Variants in SHC4 observed in about 807,000 individuals in gnomAD.
SHC4 encodes SHC-transforming protein 4.
SHC4 carries 41 observed loss-of-function variants against 69.4 expected under a neutral mutation model. The observed-to-expected ratio is 0.59, with a 90% CI of 0.46 to 0.77. SHC4 has a LOEUF of 0.77. Ranked by LOEUF, SHC4 falls within the 30% of genes least tolerant of loss-of-function variation. The pLI is 0.00. For synonymous variants in SHC4, 318 were observed against 299.3 expected (o/e 1.06, Z -0.64); for missense variants, 777 against 783.8 (o/e 0.99, Z 0.10).
At chr15:48,835,693 T>C (rs1692006896) in intron 10 of SHC4, among the ~76,000 whole-genome samples, 1 of 152,132 alleles carries the variant, frequency 6.6e-6, no homozygotes, top group African/African-American at 2.4e-5. Flanking sequence ...GCTGAATAAG[T>C]GTTGTCCAGA....
chr15:48,829,331 T>C (rs1434467322), intron 11 of SHC4, among the ~76,000 whole-genome samples: 1 of 152,188 alleles, frequency 6.6e-6, no homozygotes, highest in African/African-American at 2.4e-5. Context: ...AAGTGGAGCA[T>C]TAAAATCCCC....
intron 2 of SHC4, among the ~76,000 whole-genome samples, chr15:48,897,508 C>CCACACACA (rs57034071): frequency 3.5e-5 from 5 of 142,930 alleles, no homozygotes; most frequent in African/African-American, 1.3e-4. Context: ...AGCAATGTCG[C>CCACACACA]CACACACACA....
chr15:48,863,547 T>C (rs573916900), intron 6 of SHC4, among the ~76,000 whole-genome samples: 39 of 152,342 alleles, frequency 2.6e-4, no homozygotes, highest in African/African-American at 8.7e-4. Flanking sequence ...GTACGTATCC[T>C]AATTATTTCC....
intron 2 of SHC4, among the ~76,000 whole-genome samples, chr15:48,902,729 C>G (rs1595751159): frequency 6.6e-6 from 1 of 152,126 alleles, no homozygotes; most frequent in African/African-American, 2.4e-5. Context: ...TGGGGTGACT[C>G]TGAAGTGCCA....
At chr15:48,850,129 G>A (rs1407887629) in intron 9 of SHC4, among the ~76,000 whole-genome samples, 1 of 152,182 alleles carries the variant, frequency 6.6e-6, no homozygotes, top group African/African-American at 2.4e-5. Context: ...CTTGAACCCG[G>A]AAGGCTGAGG....
chr15:48,853,386 C>T (rs1899252348), intron 8 of SHC4, among the ~76,000 whole-genome samples: 1 of 152,096 alleles, frequency 6.6e-6, no homozygotes, highest in African/African-American at 2.4e-5. Context: ...GAATCAATAT[C>T]ATAAAAATGG....
chr15:48,954,727 G>T (rs1193252502), intron 1 of SHC4, among the ~76,000 whole-genome samples: 2 of 152,156 alleles, frequency 1.3e-5, no homozygotes, highest in Non-Finnish European at 2.9e-5. Flanking sequence ...AAAGGAATGT[G>T]GGGAAATGCC....
At chr15:48,910,692 A>G (rs1428640183) in intron 2 of SHC4, among the ~76,000 whole-genome samples, 3 of 152,048 alleles carry the variant, frequency 2.0e-5, no homozygotes, top group Non-Finnish European at 4.4e-5. Flanking sequence ...TTTTTGATGT[A>G]GACATTTATG....
Position 48,930,647 on chromosome 15 carries a change from AT to A in SHC4, c.586-5699del, listed in dbSNP as rs1273048511. Among the ~76,000 whole-genome samples, 4 of 152,360 alleles carry A rather than the reference AT, an allele frequency of 2.6e-5. No individual in the cohort carries two copies. In the East Asian group the frequency reaches 5.8e-4, roughly 22 times the overall value. ...GCGAGACCCTGTCTGTAAATAAAAA[AT>A]AAATAATGAATTAAAAACAAACACT... On this transcript the variant is annotated intron_variant, in intron 1 of 11. Coordinates refer to ENST00000332408, the MANE Select transcript of SHC4 (RefSeq NM_203349.4).
At chr15:48,877,186 G>C (rs1156786637) in intron 4 of SHC4, 1 of 154,054 alleles carries the variant, frequency 6.5e-6, no homozygotes, top group Non-Finnish European at 1.4e-5. Context: ...CAACCAAAAT[G>C]AGATTACAGA....
At chr15:48,842,583 A>G (rs1899011984) in intron 10 of SHC4, among the ~76,000 whole-genome samples, 1 of 152,226 alleles carries the variant, frequency 6.6e-6, no homozygotes, top group Admixed American at 6.5e-5. Context: ...CAGACCAAGA[A>G]AATAGCCTTC....
intron 10 of SHC4, among the ~76,000 whole-genome samples, chr15:48,842,681 T>C (rs1375049766): frequency 1.3e-5 from 2 of 152,142 alleles, no homozygotes; most frequent in African/African-American, 4.8e-5. Flanking sequence ...GTAATCCCAA[T>C]GCTTTGAGAG....
chr15:48,906,013 A>C (rs930242275), intron 2 of SHC4, among the ~76,000 whole-genome samples: 2 of 152,202 alleles, frequency 1.3e-5, no homozygotes, highest in African/African-American at 4.8e-5. Flanking sequence ...TTCCTGACCA[A>C]GGACTCCTCA....
At chr15:48,953,111 T>C (rs1339102869) in intron 1 of SHC4, among the ~76,000 whole-genome samples, 1 of 152,188 alleles carries the variant, frequency 6.6e-6, no homozygotes, top group Non-Finnish European at 1.5e-5. Context: ...ATCATGTCCT[T>C]TGCAGGGACA....
intron 4 of SHC4, among the ~76,000 whole-genome samples, chr15:48,881,498 AC>A (rs1899946296): frequency 6.6e-6 from 1 of 152,060 alleles, no homozygotes; most frequent in Non-Finnish European, 1.5e-5. Context: ...TTGGGCCTGC[AC>A]CATTGTTTTT....
chr15:48,851,143 C>T (rs756952194), intron 9 of SHC4, 45 bp downstream of exon 9: 1 of 1,593,986 alleles, frequency 6.3e-7, no homozygotes, highest in Admixed American at 1.7e-5. Flanking sequence ...ATAGGACTTA[C>T]AAGGAATAAG....
At chr15:48,864,376 T>C (rs1018423153) in intron 6 of SHC4, among the ~76,000 whole-genome samples, 2 of 149,464 alleles carry the variant, frequency 1.3e-5, no homozygotes, top group Admixed American at 6.7e-5. Flanking sequence ...TGAGATGTCC[T>C]CTAAATTGAA....
chr15:48,872,130 G>A lies in SHC4; in HGVS notation c.853C>T (p.His285Tyr), dbSNP rs769844939. The A allele has an allele frequency of 3.2e-6, 5 of 1,581,986 alleles. No individual in the cohort carries two copies. In the African/African-American group the frequency reaches 6.8e-5, roughly 21 times the overall value. ...GCAAATGAAATAGACTGCATATGAT[G>A]ATTTGCAATAATCTGAAAAACATAA... ...NLDNQQIIAN[H>Y]HMQSISFASG... The change falls in exon 5 of 12, where the codon CAT becomes TAT. Residue 285 changes from histidine (H) to tyrosine (Y), a missense_variant. His to Tyr is a moderately conservative substitution (Grantham distance 83, BLOSUM62 2). Coordinates refer to ENST00000332408, the MANE Select transcript of SHC4 (RefSeq NM_203349.4).
At chr15:48,936,535 G>T (rs1478501859) in intron 1 of SHC4, among the ~76,000 whole-genome samples, 1 of 152,062 alleles carries the variant, frequency 6.6e-6, no homozygotes, top group Non-Finnish European at 1.5e-5. Context: ...TTCCCAGTCC[G>T]CTTAAAGTAA....
Sources: allele counts gnomAD v4.1 joint callset (sites outside exome capture counted in the v4.1 genomes callset), GRCh38; gene constraint gnomAD v4.1.1; transcripts MANE v1.5; gene names NCBI Gene and HGNC (gene_info 2026-07-23, HGNC 2026-07-21).